ITPKB: variants seen among roughly 807,000 people sequenced by gnomAD.
ITPKB encodes inositol-trisphosphate 3-kinase B.
A neutral mutation model predicts 69.4 loss-of-function variants in ITPKB; 13 were observed. That is an observed-to-expected ratio of 0.19 (90% CI 0.12 to 0.30). The LOEUF is 0.30. Among genes scored for constraint, ITPKB ranks in the 10% least tolerant of loss-of-function variants. The pLI, the probability that ITPKB is intolerant of heterozygous loss-of-function variation, is 1.00. For missense variants in ITPKB, 1,240 were observed against 1,250.5 expected (o/e 0.99, Z 0.13); for synonymous variants, 584 against 513.7 (o/e 1.14, Z -1.85).
chr1:226,720,577 A>G (rs1172193685), intron 2 of ITPKB, among the ~76,000 whole-genome samples: 1 of 152,232 alleles, frequency 6.6e-6, no homozygotes, highest in Non-Finnish European at 1.5e-5. Flanking sequence ...CAAAAATTAC[A>G]TAAAGTATTT....
intron 2 of ITPKB, among the ~76,000 whole-genome samples, chr1:226,650,013 G>A (rs114874734): frequency 0.015 from 2,322 of 152,272 alleles, 70 homozygotes; most frequent in African/African-American, 0.053. Context: ...AGTGGATCCT[G>A]GACCAGCTAA....
rs117463490 is a variant in ITPKB at position 226,694,271 on chromosome 1, T to C, written c.1932+41256A>G. 4.7e-4 allele frequency among the ~76,000 whole-genome samples: 71 copies of C among 152,342 alleles called. 1 individual carries two copies. The East Asian group carries it at 0.013, about 29-fold the overall frequency. On this transcript the variant is annotated intron_variant, in intron 2 of 7. Transcript: ENST00000429204. ...AAAGACAGAAAAAGAAAAATCTGTG[T>C]CAAAGTATGGTTGAACAGTTTTGAA...
rs141405900 is a variant in ITPKB at position 226,635,667 on chromosome 1, C to T, written c.2626-781G>A. 9.1e-3 allele frequency among the ~76,000 whole-genome samples: 1,391 copies of T among 152,312 alleles called. 25 individuals carry two copies. The highest frequency in any genetic ancestry group is 0.032 in the African/African-American group (1,324 of 41,570). ...CAGGAGCGTCCAAACTATCCCGGGG[C>T]GGGGGTGGTGAAGAACCTGTTTCAA... On this transcript the variant is annotated intron_variant, in intron 7 of 7. Transcript: ENST00000429204.
At chr1:226,661,454 G>C (rs1438303740) in intron 2 of ITPKB, among the ~76,000 whole-genome samples, 1 of 152,234 alleles carries the variant, frequency 6.6e-6, no homozygotes, top group African/African-American at 2.4e-5. Context: ...TACATGTGTA[G>C]TCAGGCAGGC....
At chr1:226,679,798 A>T (rs1656033552) in intron 2 of ITPKB, among the ~76,000 whole-genome samples, 1 of 152,234 alleles carries the variant, frequency 6.6e-6, no homozygotes, top group African/African-American at 2.4e-5. Flanking sequence ...TTAAAACTCA[A>T]CTTAAAGGTT....
At chr1:226,640,862 C>A (rs938549959) in intron 5 of ITPKB, among the ~76,000 whole-genome samples, 1 of 152,164 alleles carries the variant, frequency 6.6e-6, no homozygotes, top group East Asian at 1.9e-4. Context: ...CACATGCCAC[C>A]GTGGGCAGCG....
At chr1:226,644,621 C>T (rs1232498992) in intron 4 of ITPKB, among the ~76,000 whole-genome samples, 2 of 152,214 alleles carry the variant, frequency 1.3e-5, no homozygotes, top group Non-Finnish European at 2.9e-5. Context: ...CAAGAAGCCC[C>T]GACGTGCAGA....
intron 2 of ITPKB, among the ~76,000 whole-genome samples, chr1:226,703,407 G>C (rs978386218): frequency 6.6e-6 from 1 of 152,226 alleles, no homozygotes; most frequent in Non-Finnish European, 1.5e-5. Context: ...CCGAGGCAGG[G>C]GCGCGGCGGG....
In ITPKB at chr1:226,634,803, G is replaced by A. The variant is rs1224739403; in HGVS notation, c.2709C>T (p.Pro903=). 6.2e-7 allele frequency: 1 copy of A among 1,608,480 alleles called. No homozygotes were observed. Among genetic ancestry groups the A allele is most frequent in the South Asian group, 1.1e-5 (1 of 90,972 alleles). Residue 903 remains proline (P), a synonymous_variant, in exon 8 of 8, where the codon CCC becomes CCT. Coordinates refer to ENST00000429204, the MANE Select transcript of ITPKB (RefSeq NM_002221.4). The surrounding 1 kb of genome is among the most constrained non-coding windows in gnomAD (Gnocchi z 6.3). ...GCTGCAGGGTCTGGCCCTCAGGCAG[G>A]GGCGTGGTTTTCCCAAAGTCGATCA... The part of the protein sequence containing the change: ...VWMIDFGKTT[P]LPEGQTLQHD...
Position 226,725,664 on chromosome 1 carries a change from G to A in ITPKB, c.1932+9863C>T, listed in dbSNP as rs115199609. On this transcript the variant is annotated intron_variant, in intron 2 of 7. Coordinates refer to ENST00000429204, the MANE Select transcript of ITPKB (RefSeq NM_002221.4). ...CAGGGAGCATGAGACCCCTGCTTTG[G>A]GGCCCCCTCCTTGCTCACTCCAGCC... Among the ~76,000 whole-genome samples, 553 of 152,202 alleles carry A rather than the reference G, an allele frequency of 3.6e-3. 2 individuals carry two copies. Among genetic ancestry groups the A allele is most frequent in the Non-Finnish European group, 6.4e-3 (434 of 68,000 alleles).
intron 2 of ITPKB, among the ~76,000 whole-genome samples, chr1:226,669,844 C>CA (rs1013264709): frequency 8.1e-5 from 12 of 148,712 alleles, no homozygotes; most frequent in East Asian, 5.8e-4. Context: ...CTATTAGCAA[C>CA]AAAAAAAATG....
chr1:226,671,254 TCAAACAACA>T (rs1669612610), intron 2 of ITPKB, among the ~76,000 whole-genome samples: 1 of 152,118 alleles, frequency 6.6e-6, no homozygotes, highest in Non-Finnish European at 1.5e-5. Flanking sequence ...TTCCCAATAT[TCAAACAACA>T]TGGGTAAGAA....
chr1:226,701,615 A>C (rs1439456227), intron 2 of ITPKB, among the ~76,000 whole-genome samples: 6 of 151,030 alleles, frequency 4.0e-5, no homozygotes, highest in African/African-American at 9.7e-5. Flanking sequence ...AAAAAAAAAA[A>C]AAAAAAAAAA....
intron 2 of ITPKB, among the ~76,000 whole-genome samples, chr1:226,717,062 A>T (rs561578677): frequency 6.6e-6 from 1 of 152,172 alleles, no homozygotes; most frequent in Admixed American, 6.5e-5. Context: ...TTCACACACT[A>T]CCGGGTTCAT....
At chr1:226,652,814 G>T (rs1669220485) in intron 2 of ITPKB, among the ~76,000 whole-genome samples, 1 of 152,158 alleles carries the variant, frequency 6.6e-6, no homozygotes, top group African/African-American at 2.4e-5. Flanking sequence ...TGGCCTCCTG[G>T]GGCTGTGAGC....
chr1:226,713,273 C>T (rs1489506433), intron 2 of ITPKB, among the ~76,000 whole-genome samples: 2 of 152,194 alleles, frequency 1.3e-5, no homozygotes, highest in South Asian at 2.1e-4. Context: ...GCCTGTGTCC[C>T]CTTCCTCCCA....
At chr1:226,640,225 C>T (rs1165768291) in intron 5 of ITPKB, among the ~76,000 whole-genome samples, 2 of 152,248 alleles carry the variant, frequency 1.3e-5, no homozygotes, top group Non-Finnish European at 2.9e-5. Flanking sequence ...GCCCACCCCA[C>T]TCCCATCTTC....
At chr1:226,724,948 T>A (rs1408509694) in intron 2 of ITPKB, among the ~76,000 whole-genome samples, 1 of 152,190 alleles carries the variant, frequency 6.6e-6, no homozygotes, top group East Asian at 1.9e-4. Context: ...CAGAACAGTC[T>A]CTTTGATCTA....
At chr1:226,635,365 C>T (rs1668812781) in intron 7 of ITPKB, among the ~76,000 whole-genome samples, 1 of 152,144 alleles carries the variant, frequency 6.6e-6, no homozygotes, top group East Asian at 1.9e-4. Context: ...GGACTACAGG[C>T]ATGCACCACG....
Sources: allele counts gnomAD v4.1 joint callset (sites outside exome capture counted in the v4.1 genomes callset), GRCh38; gene constraint gnomAD v4.1.1; non-coding constraint Gnocchi (gnomAD v3.1); transcripts MANE v1.5; gene names NCBI Gene and HGNC (gene_info 2026-07-23, HGNC 2026-07-21).